XIST: variants seen among roughly 807,000 people sequenced by gnomAD.
XIST encodes the protein X inactive specific transcript (non-protein coding).
chrX:73,822,854 T>A (rs1378403571), exon 6 of XIST: 1 of 558,857 alleles, frequency 1.8e-6, no homozygotes, highest in East Asian at 3.2e-5. Flanking sequence ...AGTTTTTCCT[T>A]AGTATCGAAC....
chrX:73,851,269 T>A lies in XIST; in HGVS notation n.1455A>T, dbSNP rs779156237. On this transcript the variant is annotated non_coding_transcript_exon_variant, in exon 1 of 6. Transcript: ENST00000429829. Reference sequence around the variant, plus strand: ...CACGTGACAAAAGCCATGATATACATATGACAACGCCTGCCATATTGTCCC... The same window carrying A: ...CACGTGACAAAAGCCATGATATACAAATGACAACGCCTGCCATATTGTCCC... 20 of 558,930 alleles carry A rather than the reference T, an allele frequency of 3.6e-5. No homozygotes were observed. In the South Asian group the frequency reaches 4.4e-4, roughly 12 times the overall value. 46.1% of individuals were successfully genotyped at this position (558,930 alleles called of 1,213,427 possible). A position where few individuals can be genotyped will look rare whatever the true frequency, so the allele number is the denominator to read the frequency against.
chrX:73,827,336 G>T (rs761049284), exon 6 of XIST: 1 of 558,567 alleles, frequency 1.8e-6, no homozygotes, highest in Admixed American at 2.2e-5. Flanking sequence ...AATATTTAAG[G>T]AGAGATTACA....
At chrX:73,838,942 C>G (rs1263083040) in intron 1 of XIST, among the ~76,000 whole-genome samples, 1 of 111,550 alleles carries the variant, frequency 9.0e-6, no homozygotes, top group Non-Finnish European at 1.9e-5. Flanking sequence ...TTACTCTTTG[C>G]CATCCAAACT....
exon 1 of XIST, chrX:73,850,746 AGTTGGGGGG>A (rs1305675301): frequency 3.8e-4 from 59 of 154,079 alleles, no homozygotes; most frequent in African/African-American, 3.1e-3. Context: ...GGGGGTGGGG[AGTTGGGGGG>A]GTTGGGGGGT....
exon 1 of XIST, chrX:73,852,542 GAC>G (rs1480709017): frequency 1.9e-6 from 1 of 519,460 alleles, no homozygotes; most frequent in South Asian, 2.7e-5. Flanking sequence ...GTGTCAAGAA[GAC>G]ACTAGGAGAA....
exon 1 of XIST, chrX:73,851,109 A>G (rs971881185): frequency 1.8e-6 from 1 of 557,521 alleles, no homozygotes; most frequent in Non-Finnish European, 3.2e-6. Context: ...GCTGTGATCA[A>G]TTCCACCCCC....
At chrX:73,839,231 C>G (rs993899228) in intron 1 of XIST, among the ~76,000 whole-genome samples, 1 of 110,431 alleles carries the variant, frequency 9.1e-6, no homozygotes, top group Non-Finnish European at 1.9e-5. Flanking sequence ...AGGGAGGTGG[C>G]TAGAGAAATG....
At chrX:73,827,221 T>G (rs762230356) in exon 6 of XIST, 1 of 556,502 alleles carries the variant, frequency 1.8e-6, no homozygotes. Flanking sequence ...CGCTCCACAA[T>G]GCTTGCTCTG....
Position 73,838,357 on chromosome X carries a change from C to A in XIST, n.11343-854G>T, listed in dbSNP as rs776174380. On this transcript the variant is annotated intron_variant and non_coding_transcript_variant, in intron 1 of 5. Transcript: ENST00000429829. ...GGTATTGCTTGGGTCTACTGCATAA[C>A]CTCTCATGTTTCCGGGAACACTAGA... 2.1e-3 allele frequency among the ~76,000 whole-genome samples: 235 copies of A among 110,692 alleles called. 6 individuals carry two copies. Among genetic ancestry groups the A allele is most frequent in the Non-Finnish European group, 4.4e-4 (23 of 52,706 alleles).
chrX:73,846,104 G>T (rs746417006), exon 1 of XIST: 2 of 557,658 alleles, frequency 3.6e-6, no homozygotes. Flanking sequence ...AGGAAGATTG[G>T]GGGTGGAGTG....
chrX:73,825,547 A>T, exon 6 of XIST: 1 of 515,157 alleles, frequency 1.9e-6, no homozygotes, highest in Non-Finnish European at 3.5e-6. Flanking sequence ...ATTTTCTCTG[A>T]ATAACAAATA....
At chrX:73,847,864 A>T (rs757978313) in exon 1 of XIST, 1 of 559,207 alleles carries the variant, frequency 1.8e-6, no homozygotes, top group Admixed American at 2.2e-5. Context: ...GCACATTCAT[A>T]GTCCCAGGGA....
chrX:73,850,029 G>A (rs771591116), exon 1 of XIST: 3 of 558,885 alleles, frequency 5.4e-6, no homozygotes, highest in Non-Finnish European at 9.7e-6. Context: ...CCAGACCACA[G>A]CAATTCAAGT....
intron 1 of XIST, among the ~76,000 whole-genome samples, chrX:73,840,962 T>C (rs1922575485): frequency 8.9e-6 from 1 of 112,160 alleles, no homozygotes; most frequent in Admixed American, 9.5e-5. Flanking sequence ...TTAAGTTTAT[T>C]CTATCAACTT....
At chrX:73,846,140 T>C (rs770689350) in exon 1 of XIST, 1 of 553,314 alleles carries the variant, frequency 1.8e-6, no homozygotes, top group Non-Finnish European at 3.2e-6. Context: ...CCATGTCTAA[T>C]ACACAGGAAC....
At chrX:73,843,644 AT>A (rs774556353) in exon 1 of XIST, 3 of 558,565 alleles carry the variant, frequency 5.4e-6, no homozygotes, top group Non-Finnish European at 6.5e-6. Flanking sequence ...AGTGAATATC[AT>A]CCCCCTGCTC....
chrX:73,842,756 G>T, exon 1 of XIST: 1 of 558,650 alleles, frequency 1.8e-6, no homozygotes, highest in South Asian at 2.2e-5. Flanking sequence ...TTAAGTCCAA[G>T]AGAAAGGGCC....
chrX:73,822,154 ATTAG>A (rs1922135309), exon 6 of XIST: 1 of 557,027 alleles, frequency 1.8e-6, no homozygotes, highest in Admixed American at 2.2e-5. Flanking sequence ...GGGTTTGGGA[ATTAG>A]TTGGTCATCA....
At chrX:73,850,811 G>C (rs765805993) in exon 1 of XIST, 1 of 512,881 alleles carries the variant, frequency 1.9e-6, no homozygotes, top group African/African-American at 2.3e-5. Flanking sequence ...CAATACAGAG[G>C]AATGGAGGGA....
Sources: gnomAD v4.1 joint callset for allele counts (sites outside exome capture counted in the v4.1 genomes callset) on GRCh38, gnomAD v4.1.1 for gene constraint, MANE v1.5 for transcripts, NCBI Gene and HGNC (gene_info 2026-07-23, HGNC 2026-07-21) for gene names.